The following GABRB3 variants were observed in gnomAD, a reference collection of about 807,000 sequenced individuals.
GABRB3 encodes gamma-aminobutyric acid type A receptor subunit beta3, also known as gamma-aminobutyric acid receptor subunit beta-3.
Under a neutral mutation model 52.1 loss-of-function variants are expected in GABRB3, and 14 were observed. The ratio of observed to expected loss-of-function variants is 0.27; its 90% CI spans 0.18 to 0.42. The LOEUF is 0.42. GABRB3 is among the 10% of genes least tolerant of loss of function. The probability of loss-of-function intolerance (pLI) is 1.00; values close to 1 mark genes in which losing one functional copy is unlikely to be tolerated. For synonymous variants in GABRB3, 260 were observed against 232.3 expected, an observed-to-expected ratio of 1.12 and a Z score of -1.08; for missense variants, 307 against 609.1, an observed-to-expected ratio of 0.50 and a Z score of 5.22.
At chr15:26,702,507 G>A (rs1277256774) in intron 3 of GABRB3, among the ~76,000 whole-genome samples, 2 of 152,142 alleles carry the variant, frequency 1.3e-5, no homozygotes, top group Non-Finnish European at 2.9e-5. Flanking sequence ...TACAAATCAG[G>A]AGCACTGCAA....
intron 3 of GABRB3, chr15:26,772,001 A>G (rs965716876): frequency 5.4e-6 from 1 of 186,014 alleles, no homozygotes; most frequent in African/African-American, 2.4e-5. Flanking sequence ...CCTCTTACCT[A>G]GAATATAGGA....
chr15:26,686,718 T>G (rs1025836835), intron 3 of GABRB3, among the ~76,000 whole-genome samples: 1 of 152,230 alleles, frequency 6.6e-6, no homozygotes, highest in Non-Finnish European at 1.5e-5. Context: ...TGAGACAGCA[T>G]GAGCACAGCC....
intron 3 of GABRB3, among the ~76,000 whole-genome samples, chr15:26,650,320 C>A (rs1436791224): frequency 6.6e-6 from 1 of 152,202 alleles, no homozygotes; most frequent in East Asian, 1.9e-4. Context: ...CCCATGCATA[C>A]CCTTAGCCCC....
At position 26,652,291 on chromosome 15, in the gene GABRB3, T is replaced by A. The variant is rs576102472; in HGVS notation, c.241-30757A>T. Among the ~76,000 whole-genome samples, 74 of 152,334 alleles carry A rather than the reference T, an allele frequency of 4.9e-4. No homozygotes were observed. The South Asian group carries it at 0.015, about 31-fold the overall frequency. Reference sequence around the variant, plus strand: ...TACCTTCCAGGTACTGACAATTTTATCTGCAATTCACATATTGAACCAAAC... The same window carrying A: ...TACCTTCCAGGTACTGACAATTTTAACTGCAATTCACATATTGAACCAAAC... On this transcript the variant is annotated intron_variant, in intron 3 of 8. Coordinates refer to ENST00000311550, the MANE Select transcript of GABRB3 (RefSeq NM_000814.6).
At chr15:26,751,760 G>A (rs1452317215) in intron 3 of GABRB3, among the ~76,000 whole-genome samples, 1 of 152,000 alleles carries the variant, frequency 6.6e-6, no homozygotes, top group Non-Finnish European at 1.5e-5. Flanking sequence ...CATTTCTCTA[G>A]ATTTCATACT....
At chr15:26,708,387 T>G (rs1889174675) in intron 3 of GABRB3, among the ~76,000 whole-genome samples, 1 of 152,152 alleles carries the variant, frequency 6.6e-6, no homozygotes, top group African/African-American at 2.4e-5. Flanking sequence ...CAGGTGCAGA[T>G]CAGATAGTGC....
At chr15:26,688,608 T>A (rs915219777) in intron 3 of GABRB3, among the ~76,000 whole-genome samples, 3 of 152,200 alleles carry the variant, frequency 2.0e-5, no homozygotes, top group Non-Finnish European at 2.9e-5. Flanking sequence ...GTTTCTGTGA[T>A]CCATCTCCTA....
intron 3 of GABRB3, among the ~76,000 whole-genome samples, chr15:26,702,108 A>T (rs1411037227): frequency 6.6e-6 from 1 of 152,220 alleles, no homozygotes; most frequent in Non-Finnish European, 1.5e-5. Context: ...AGAACCAGAG[A>T]CCTAAATGTA....
At chr15:26,573,588 T>A (rs1372850893) in intron 6 of GABRB3, among the ~76,000 whole-genome samples, 1 of 152,218 alleles carries the variant, frequency 6.6e-6, no homozygotes, top group Non-Finnish European at 1.5e-5. Context: ...ATCCTCTCTT[T>A]CCTTGTGTGT....
At chr15:26,616,932 C>CA (rs1892276978) in intron 4 of GABRB3, among the ~76,000 whole-genome samples, 1 of 151,304 alleles carries the variant, frequency 6.6e-6, no homozygotes, top group Non-Finnish European at 1.5e-5. Flanking sequence ...CATACAGAGA[C>CA]AGACTGACAT....
intron 3 of GABRB3, among the ~76,000 whole-genome samples, chr15:26,743,139 A>G (rs1002090301): frequency 6.6e-6 from 1 of 152,118 alleles, no homozygotes; most frequent in Non-Finnish European, 1.5e-5. Flanking sequence ...CATGTTGGTC[A>G]GGCTGGTCTC....
intron 3 of GABRB3, among the ~76,000 whole-genome samples, chr15:26,724,682 T>C (rs901391422): frequency 1.9e-4 from 29 of 152,146 alleles, no homozygotes; most frequent in Non-Finnish European, 2.9e-4. Flanking sequence ...ACACCACAGA[T>C]TGTTAAACAT....
chr15:26,629,255 G>A, intron 3 of GABRB3: 3 of 1,225,214 alleles, frequency 2.4e-6, no homozygotes, highest in Non-Finnish European at 2.2e-6. Context: ...GCTTGGCCCC[G>A]AGAGGGAGGA....
rs369229461 is a variant in GABRB3, at chr15:26,659,791, G to A, written c.241-38257C>T. Among the ~76,000 whole-genome samples the A allele has an allele frequency of 6.3e-4, 96 of 152,192 alleles. 1 individual carries two copies. The highest frequency in any genetic ancestry group is 2.2e-3 in the African/African-American group (93 of 41,532). Reference sequence around the variant, plus strand: ...GCAAGCACCATCCACCATGAGCACCGGCCTGCACTGGGCCACCCATGGGGA... The same window carrying A: ...GCAAGCACCATCCACCATGAGCACCAGCCTGCACTGGGCCACCCATGGGGA... On this transcript the variant is annotated intron_variant, in intron 3 of 8. Coordinates refer to ENST00000311550, the MANE Select transcript of GABRB3 (RefSeq NM_000814.6).
intron 3 of GABRB3, among the ~76,000 whole-genome samples, chr15:26,635,518 CAA>C (rs11452826): frequency 2.0e-5 from 3 of 147,728 alleles, no homozygotes; most frequent in Admixed American, 6.8e-5. Context: ...GCAGACAAGG[CAA>C]AAAAAAAATG....
intron 3 of GABRB3, among the ~76,000 whole-genome samples, chr15:26,648,110 C>T (rs1012292573): frequency 3.9e-5 from 6 of 152,148 alleles, no homozygotes; most frequent in Non-Finnish European, 7.4e-5. Context: ...TCCATCACCC[C>T]AACTGGAACT....
At chr15:26,674,527 G>A (rs8034511) in intron 3 of GABRB3, among the ~76,000 whole-genome samples, 108,435 of 150,676 alleles carry the variant, frequency 0.72, 39,322 homozygotes, top group Admixed American at 0.8. Flanking sequence ...AACTATGCAC[G>A]CAGCAGAGAG....
chr15:26,581,949 A>AGAGT (rs4062219), intron 5 of GABRB3, among the ~76,000 whole-genome samples: 1 of 152,014 alleles, frequency 6.6e-6, no homozygotes, highest in Non-Finnish European at 1.5e-5. Context: ...CCGTGCCTAC[A>AGAGT]TAATGTCCAG....
chr15:26,672,409 A>G (rs1324705451), intron 3 of GABRB3, among the ~76,000 whole-genome samples: 1 of 152,130 alleles, frequency 6.6e-6, no homozygotes, highest in Non-Finnish European at 1.5e-5. Flanking sequence ...ACCCACTTAT[A>G]GTTCCTGAAG....
Sources: gnomAD v4.1 joint callset for allele counts (sites outside exome capture counted in the v4.1 genomes callset) on GRCh38, gnomAD v4.1.1 for gene constraint, MANE v1.5 for transcripts, NCBI Gene and HGNC (gene_info 2026-07-23, HGNC 2026-07-21) for gene names.